The following FKRP variants were observed in gnomAD, a reference collection of about 807,000 sequenced individuals.
FKRP encodes the protein ribitol 5-phosphate transferase FKRP.
A neutral mutation model predicts 30.6 loss-of-function variants in FKRP; 25 were observed. The ratio of observed to expected loss-of-function variants is 0.82; its 90% CI spans 0.60 to 1.14. The LOEUF (loss-of-function observed/expected upper bound fraction) is 1.14. Among genes scored for constraint, FKRP ranks in the 50% most tolerant of loss-of-function variants. The pLI is 0.00. For synonymous variants in FKRP, 358 were observed against 342.5 expected (o/e 1.05, Z -0.50); for missense variants, 771 against 727.8 (o/e 1.06, Z -0.68).
At chr19:46,750,008 A>ATGCCCAGCCCACCAAGATG (rs1568413785) in intron 3 of FKRP, among the ~76,000 whole-genome samples, 2 of 152,154 alleles carry the variant, frequency 1.3e-5, no homozygotes, top group Non-Finnish European at 2.9e-5. Flanking sequence ...ATGAGCCACC[A>ATGCCCAGCCCACCAAGATG]CATCGGCTGG....
Position 46,746,094 on chromosome 19 carries a change from AGGCCGGGCCG to A in FKRP, c.-253+17_-253+26del, listed in dbSNP as rs568014119. 1.6e-5 allele frequency: 20 copies of A among 1,244,350 alleles called. No homozygotes were observed. The highest frequency in any genetic ancestry group is 1.8e-5 in the Non-Finnish European group (18 of 985,818). The allele number at this position is 1,244,350 out of a possible 1,614,324, so 77.1% of individuals were successfully genotyped here. A position where few individuals can be genotyped will look rare whatever the true frequency, so the allele number is the denominator to read the frequency against. On this transcript the variant is annotated splice_donor_5th_base_variant and intron_variant, in intron 1 of 3. Transcript: ENST00000318584. ...ATGGCGGCGGCGGCGGCAGCGGGTG[AGGCCGGGCCG>A]GGCCGGGCCGGGTTGGGGGTCGGGG... is the stretch of plus-strand genomic sequence containing the variant.
At chr19:46,749,879 G>A (rs1411949095) in intron 3 of FKRP, among the ~76,000 whole-genome samples, 2 of 151,958 alleles carry the variant, frequency 1.3e-5, no homozygotes, top group African/African-American at 4.8e-5. Context: ...CACCATGCCC[G>A]GCTAATTTTT....
chr19:46,746,332 CG>C, intron 1 of FKRP: 2 of 1,287,958 alleles, frequency 1.6e-6, no homozygotes, highest in Non-Finnish European at 2.0e-6. Flanking sequence ...GGGCGGAGAC[CG>C]GGGCCGCCCC....
At chr19:46,745,962 C>G, upstream of FKRP, 3 of 658,264 alleles carry the variant, frequency 4.6e-6, no homozygotes, top group Non-Finnish European at 6.6e-6. Flanking sequence ...CGTCCCACCC[C>G]GGAGTGCCCT....
Position 46,756,834 on chromosome 19 carries a change from C to T in FKRP, c.1384C>T (p.Pro462Ser), listed in dbSNP as rs768606230. Residue 462 changes from proline to serine, a missense_variant, in exon 4 of 4, where the codon CCT becomes TCT. Pro to Ser is a moderately conservative substitution (Grantham distance 74). Coordinates refer to ENST00000318584, the MANE Select transcript of FKRP (RefSeq NM_024301.5). This position sits in a 1 kb window ranked among gnomAD's most constrained non-coding sequence, Gnocchi z 6.6. ...CTTTGCCGGCTTCGTGGCGCAGGCGCCTAACAACTACCGCCGCTTCCTGGA... is the reference window on the plus strand; with the variant it reads ...CTTTGCCGGCTTCGTGGCGCAGGCGTCTAACAACTACCGCCGCTTCCTGGA... ...LPFAGFVAQA[P>S]NNYRRFLELK... 1.2e-5 allele frequency: 19 copies of T among 1,600,784 alleles called. No homozygotes were observed. The highest frequency in any genetic ancestry group is 1.4e-5 in the Non-Finnish European group (17 of 1,174,252).
In FKRP at chr19:46,756,717, C is replaced by G; in HGVS notation, c.1267C>G (p.Arg423Gly). ...CGTGGACCTGTGGCCCTTCTACCCC[C>G]GCAATGGCGTCATGACCAAGGACAC... ...LHVDLWPFYP[R>G]NGVMTKDTWL... The change falls in exon 4 of 4, where the codon CGC becomes GGC. Residue 423 changes from arginine to glycine, a missense_variant. Arg to Gly is a moderately radical substitution (Grantham distance 125, BLOSUM62 -2). Transcript: ENST00000318584. The surrounding 1 kb of genome is among the most constrained non-coding windows in gnomAD (Gnocchi z 6.6). The G allele has an allele frequency of 6.2e-7, 1 of 1,611,660 alleles. No individual in the cohort carries two copies. The highest frequency in any genetic ancestry group is 8.5e-7 in the Non-Finnish European group (1 of 1,179,084).
intron 1 of FKRP, chr19:46,746,491 ACACC>A (rs1383599383): frequency 7.5e-6 from 6 of 800,280 alleles, no homozygotes; most frequent in Non-Finnish European, 1.4e-6. Flanking sequence ...GGCCGCGCCA[ACACC>A]CCCCCCCCTC....
chr19:46,745,935 T>A, upstream of FKRP: 17 of 343,340 alleles, frequency 5.0e-5, no homozygotes, highest in Non-Finnish European at 6.2e-5. Context: ...CACTCCCACC[T>A]CGGGCCGTCC....
In FKRP at chr19:46,755,864, T is replaced by C. The variant is rs2122614914; in HGVS notation, c.414T>C (p.Pro138=). 1 of 1,489,430 alleles carries C rather than the reference T, an allele frequency of 6.7e-7. No individual in the cohort carries two copies. The highest frequency in any genetic ancestry group is 8.9e-7 in the Non-Finnish European group (1 of 1,122,680). The allele number at this position is 1,489,430 out of a possible 1,614,324, so 92.3% of individuals were successfully genotyped here. Residue 138 remains proline, a synonymous_variant, in exon 4 of 4, where the codon CCT becomes CCC. Coordinates refer to ENST00000318584, the MANE Select transcript of FKRP (RefSeq NM_024301.5). ...LVPDGARAEA[P]GLLERMVEAL... is the part of the protein sequence containing the mutation. ...CTGATGGGGCGCGGGCTGAGGCACCTGGCCTGCTGGAGCGCATGGTGGAGG... is the reference window on the plus strand; with the variant it reads ...CTGATGGGGCGCGGGCTGAGGCACCCGGCCTGCTGGAGCGCATGGTGGAGG...
rs2054968267 is a variant in FKRP, at chr19:46,758,425, T to C, written c.*1487T>C. 6.0e-6 allele frequency: 1 copy of C among 167,084 alleles called. No homozygotes were observed. The highest frequency in any genetic ancestry group is 2.4e-5 in the African/African-American group (1 of 41,452). The allele number at this position is 167,084 out of a possible 1,614,324, so 10.4% of individuals were successfully genotyped here. On this transcript the variant is annotated 3_prime_UTR_variant, in exon 4 of 4. Transcript: ENST00000318584. Reference sequence around the variant, plus strand: ...ATATGTGTATATTTATTTATAAATATATACAGATACTATTATCTGTATGTT... The same window carrying C: ...ATATGTGTATATTTATTTATAAATACATACAGATACTATTATCTGTATGTT...
chr19:46,751,555 A>ATTTTTTTTTT (rs1226341140), intron 3 of FKRP, among the ~76,000 whole-genome samples: 1 of 87,936 alleles, frequency 1.1e-5, no homozygotes, highest in Non-Finnish European at 2.4e-5. Context: ...ACTTTTTTGT[A>ATTTTTTTTTT]TTTTTTTTTT....
chr19:46,753,329 T>TGC (rs1468370623), intron 3 of FKRP, among the ~76,000 whole-genome samples: 1,277 of 15,852 alleles, frequency 0.081, no homozygotes, highest in African/African-American at 0.2. Context: ...TGGTGGCGCA[T>TGC]GCCTGTAATC....
rs758125491 is a variant in FKRP at position 46,756,085 on chromosome 19, C to T, written c.635C>T (p.Ala212Val). 4 of 1,547,600 alleles carry T rather than the reference C, an allele frequency of 2.6e-6. No homozygotes were observed. The highest frequency in any genetic ancestry group is 3.7e-5 in the Admixed American group (2 of 53,522). Residue 212 changes from alanine (A) to valine (V), a missense_variant, in exon 4 of 4, where the codon GCG (alanine) becomes GTG (valine). By Grantham distance (64) the Ala-to-Val change is moderately conservative. Coordinates refer to ENST00000318584, the MANE Select transcript of FKRP (RefSeq NM_024301.5). This position sits in a 1 kb window ranked among gnomAD's most constrained non-coding sequence, Gnocchi z 6.6. Reference protein sequence around the residue: ...LRARDLFNLSAPLARPVGTSL... With the variant: ...LRARDLFNLSVPLARPVGTSL... ...GCCCGCGACCTCTTCAACCTCTCGGCGCCCCTGGCCCGGCCGGTGGGCACC... is the reference window on the plus strand; with the variant it reads ...GCCCGCGACCTCTTCAACCTCTCGGTGCCCCTGGCCCGGCCGGTGGGCACC...
At position 46,746,101 on chromosome 19, in the gene FKRP, G is replaced by T. The variant is rs985412051; in HGVS notation, c.-253+11G>T. 6.3e-6 allele frequency: 9 copies of T among 1,426,242 alleles called. No individual in the cohort carries two copies. The African/African-American group carries it at 1.2e-4, about 19-fold the overall frequency. The allele number at this position is 1,426,242 out of a possible 1,614,324, so 88.3% of individuals were successfully genotyped here. A position where few individuals can be genotyped will look rare whatever the true frequency, so the allele number is the denominator to read the frequency against. On this transcript the variant is annotated intron_variant, in intron 1 of 3. Coordinates refer to ENST00000318584, the MANE Select transcript of FKRP (RefSeq NM_024301.5). ...CGGCGGCGGCAGCGGGTGAGGCCGG[G>T]CCGGGCCGGGCCGGGTTGGGGGTCG...
In FKRP at chr19:46,757,875, C is replaced by G. The variant is rs1382692328; in HGVS notation, c.*937C>G. 2 of 166,918 alleles carry G rather than the reference C, an allele frequency of 1.2e-5. No individual in the cohort carries two copies. The highest frequency in any genetic ancestry group is 2.9e-5 in the Non-Finnish European group (2 of 68,170). The allele number at this position is 166,918 out of a possible 1,614,324, so 10.3% of individuals were successfully genotyped here. A position where few individuals can be genotyped will look rare whatever the true frequency, so the allele number is the denominator to read the frequency against. On this transcript the variant is annotated 3_prime_UTR_variant, in exon 4 of 4. Coordinates refer to ENST00000318584, the MANE Select transcript of FKRP (RefSeq NM_024301.5). ...ATCGCTTGAGCCCAGGAGTCTGAGACCAGCCTCGGCAACATGCCAAGACCC... is the reference window on the plus strand; with the variant it reads ...ATCGCTTGAGCCCAGGAGTCTGAGAGCAGCCTCGGCAACATGCCAAGACCC...
At chr19:46,754,103 C>A (rs1232513252) in intron 3 of FKRP, 1 of 152,204 alleles carries the variant, frequency 6.6e-6, no homozygotes, top group Non-Finnish European at 1.5e-5. Context: ...CTTGTCCAGG[C>A]TGAGTGCAGT....
chr19:46,755,990 C>T lies in FKRP; in HGVS notation c.540C>T (p.Ala180=), dbSNP rs1269695339. The T allele has an allele frequency of 5.2e-6, 8 of 1,545,154 alleles. No individual in the cohort carries two copies. The highest frequency in any genetic ancestry group is 3.9e-5 in the Admixed American group (2 of 51,914). ...ACGTCAGCCTGCGAGAGTGGACCGC[C>T]CGCTATGGCGCAGCCCCCGCCGCGC... ...ALNVSLREWT[A]RYGAAPAAPR... Residue 180 remains alanine, a synonymous_variant, in exon 4 of 4, where the codon GCC becomes GCT. Transcript: ENST00000318584.
chr19:46,746,349 G>C (rs1423036114), intron 1 of FKRP: 1 of 1,232,474 alleles, frequency 8.1e-7, no homozygotes, highest in Admixed American at 4.5e-5. Context: ...GCCCCAGTGG[G>C]GCCAGGGCCC....
intron 3 of FKRP, among the ~76,000 whole-genome samples, chr19:46,749,674 G>A (rs78634468): frequency 6.7e-6 from 1 of 148,316 alleles, no homozygotes; most frequent in East Asian, 2.1e-4. Flanking sequence ...GCAGCGAGCC[G>A]AGATTGTGCC....
Sources: allele counts gnomAD v4.1 joint callset (sites outside exome capture counted in the v4.1 genomes callset), GRCh38; gene constraint gnomAD v4.1.1; non-coding constraint Gnocchi (gnomAD v3.1); transcripts MANE v1.5; gene names NCBI Gene and HGNC (gene_info 2026-07-23, HGNC 2026-07-21).